TNRC6A: variants seen among roughly 807,000 people sequenced by gnomAD.
The protein encoded by TNRC6A is trinucleotide repeat containing adaptor 6A.
In TNRC6A, 44 loss-of-function variants were observed where a neutral mutation model predicts 221.2. That is an observed-to-expected ratio of 0.20 (90% CI 0.16 to 0.26). The LOEUF (loss-of-function observed/expected upper bound fraction) is 0.26. TNRC6A is among the 10% of genes least tolerant of loss of function. The pLI is 1.00. For missense variants in TNRC6A, 2,199 were observed against 2,404.4 expected (o/e 0.91, Z 1.79); for synonymous variants, 847 against 838.5 (o/e 1.01, Z -0.18).
intron 2 of TNRC6A, among the ~76,000 whole-genome samples, chr16:24,652,445 CT>C (rs1902724975): frequency 6.6e-6 from 1 of 152,142 alleles, no homozygotes; most frequent in Non-Finnish European, 1.5e-5. Flanking sequence ...ATTTATGAGG[CT>C]TTTCTCCACC....
At chr16:24,814,487 C>T (rs963509277) in intron 18 of TNRC6A, among the ~76,000 whole-genome samples, 6 of 144,424 alleles carry the variant, frequency 4.2e-5, no homozygotes, top group Non-Finnish European at 7.4e-5. Context: ...CAGCTCACTG[C>T]AACCTCTGCC....
In TNRC6A at chr16:24,791,234, C is replaced by T. The variant is rs1247934260; in HGVS notation, c.2592C>T (p.Asn864=). 1 of 1,614,184 alleles carries T rather than the reference C, an allele frequency of 6.2e-7. No homozygotes were observed. Among genetic ancestry groups the T allele is most frequent in the Admixed American group, 1.7e-5 (1 of 60,018 alleles). The change falls in exon 6 of 25, where the codon AAC becomes AAT. Residue 864 remains asparagine, a synonymous_variant. Coordinates refer to ENST00000395799, the MANE Select transcript of TNRC6A (RefSeq NM_014494.4). ...SDNWGETSRN[N]HWGEANKKSS... ...ACTGGGGAGAAACTTCAAGGAATAA[C>T]CATTGGGGTGAGGCCAATAAGAAAT...
At chr16:24,812,065 T>C (rs1161132581) in intron 18 of TNRC6A, among the ~76,000 whole-genome samples, 2 of 78,034 alleles carry the variant, frequency 2.6e-5, no homozygotes, top group African/African-American at 1.0e-4. Context: ...TTTTTTTTTT[T>C]TGAGACAGAG....
intron 2 of TNRC6A, among the ~76,000 whole-genome samples, chr16:24,653,641 A>G (rs867168337): frequency 1.3e-5 from 2 of 151,998 alleles, no homozygotes; most frequent in South Asian, 4.1e-4. Context: ...GCAGGCAGGC[A>G]TGGTGGCGCA....
chr16:24,799,039 G>T (rs1345657423), intron 11 of TNRC6A, among the ~76,000 whole-genome samples: 1 of 152,130 alleles, frequency 6.6e-6, no homozygotes, highest in Non-Finnish European at 1.5e-5. Context: ...GGAGGCACTC[G>T]CTACGGAGCT....
At chr16:24,771,539 G>GTTATGTTATGTTATGTTATT (rs2057593912) in intron 4 of TNRC6A, among the ~76,000 whole-genome samples, 1 of 94,556 alleles carries the variant, frequency 1.1e-5, no homozygotes. Flanking sequence ...GTTATGTTAT[G>GTTATGTTATGTTATGTTATT]TTATGTTATG....
At chr16:24,784,420 C>T (rs929614071) in intron 5 of TNRC6A, among the ~76,000 whole-genome samples, 1 of 152,202 alleles carries the variant, frequency 6.6e-6, no homozygotes, top group African/African-American at 2.4e-5. Context: ...ACCTCCCAGG[C>T]TCAAGTGATC....
At chr16:24,805,352 C>A in intron 14 of TNRC6A, 2 of 975,466 alleles carry the variant, frequency 2.1e-6, no homozygotes, top group South Asian at 1.8e-5. Context: ...CCATTTTCTT[C>A]TTTAAAACAT....
At chr16:24,625,360 T>A (rs545801838) in intron 1 of TNRC6A, among the ~76,000 whole-genome samples, 5 of 152,288 alleles carry the variant, frequency 3.3e-5, no homozygotes, top group African/African-American at 1.2e-4. Flanking sequence ...ACGCCTGTAA[T>A]CCCAGCACTT....
intron 5 of TNRC6A, among the ~76,000 whole-genome samples, chr16:24,784,095 G>A (rs898147288): frequency 6.6e-6 from 1 of 151,842 alleles, no homozygotes; most frequent in South Asian, 2.1e-4. Flanking sequence ...TCCACCTCCT[G>A]GGTTCAAATG....
Position 24,791,026 on chromosome 16 carries a change from C to T in TNRC6A, c.2384C>T (p.Ser795Phe), listed in dbSNP as rs35474263. Residue 795 changes from serine to phenylalanine, a missense_variant, in exon 6 of 25, where the codon TCC becomes TTC. Coordinates refer to ENST00000395799, the MANE Select transcript of TNRC6A (RefSeq NM_014494.4). ...DPKPALRWGD[S>F]KGSNCQGGWE... ...AAACCTGCTCTGAGGTGGGGAGATTCCAAAGGCTCAAACTGCCAGGGGGGG... is the reference window on the plus strand; with the variant it reads ...AAACCTGCTCTGAGGTGGGGAGATTTCAAAGGCTCAAACTGCCAGGGGGGG... 6.9e-5 allele frequency: 109 copies of T among 1,590,982 alleles called. No homozygotes were observed. Among genetic ancestry groups the T allele is most frequent in the Non-Finnish European group, 8.7e-5 (102 of 1,168,530 alleles).
At chr16:24,723,360 G>A (rs961525720) in intron 2 of TNRC6A, among the ~76,000 whole-genome samples, 1 of 152,126 alleles carries the variant, frequency 6.6e-6, no homozygotes, top group African/African-American at 2.4e-5. Flanking sequence ...TTGGCAGGCT[G>A]AGGCAGGAGG....
rs922945141 is a variant in TNRC6A at position 24,793,496 on chromosome 16, C to A, written c.3199C>A (p.Pro1067Thr). 7.3e-6 allele frequency: 11 copies of A among 1,506,124 alleles called. No homozygotes were observed. The highest frequency in any genetic ancestry group is 9.8e-6 in the Non-Finnish European group (11 of 1,121,828). The allele number at this position is 1,506,124 out of a possible 1,614,324, so 93.3% of individuals were successfully genotyped here. Residue 1067 changes from proline to threonine, a missense_variant, in exon 7 of 25, where the codon CCT (proline) becomes ACT (threonine). By Grantham distance (38) the Pro-to-Thr change is conservative. This residue lies in a region of TNRC6A where 1,405 missense variants were observed against 1,400.2 expected (regional missense o/e 1.00). Coordinates refer to ENST00000395799, the MANE Select transcript of TNRC6A (RefSeq NM_014494.4). ...AGGCTGGGGTGAGCCCTGGGGGGAG[C>A]CTTCTACTCCAGCCACAACTGTGGA... The part of the protein sequence containing the change: ...GSGWGEPWGE[P>T]STPATTVDNG...
chr16:24,630,233 T>C (rs181587508), intron 1 of TNRC6A, among the ~76,000 whole-genome samples: 77 of 152,284 alleles, frequency 5.1e-4, no homozygotes, highest in African/African-American at 1.9e-3. Context: ...AATTCCTGCA[T>C]TCAAGCCTTG....
At chr16:24,745,795 T>TCCCCCC (rs4038329) in intron 2 of TNRC6A, among the ~76,000 whole-genome samples, 1 of 118,524 alleles carries the variant, frequency 8.4e-6, no homozygotes, top group East Asian at 2.6e-4. Context: ...GTATGTACCA[T>TCCCCCC]CCCCCCCCCC....
At chr16:24,729,444 T>C (rs1032974712), upstream of TNRC6A, among the ~76,000 whole-genome samples, 2 of 149,616 alleles carry the variant, frequency 1.3e-5, no homozygotes, top group Non-Finnish European at 3.0e-5. Context: ...CCGAAAAAGG[T>C]TGGACTCGGG....
intron 2 of TNRC6A, among the ~76,000 whole-genome samples, chr16:24,688,155 G>C (rs1189843638): frequency 6.6e-6 from 1 of 150,976 alleles, no homozygotes; most frequent in Non-Finnish European, 1.5e-5. Context: ...TAGCCGGGAT[G>C]GTCTCGATCT....
chr16:24,773,009 T>C (rs1400400894), intron 4 of TNRC6A, among the ~76,000 whole-genome samples: 3 of 152,222 alleles, frequency 2.0e-5, no homozygotes, highest in Non-Finnish European at 4.4e-5. Flanking sequence ...GGTTATTTTT[T>C]TCCATTTTCA....
chr16:24,822,834 G>T, intron 23 of TNRC6A, 40 bp from the exon 24 acceptor site: 1 of 1,611,460 alleles, frequency 6.2e-7, no homozygotes, highest in South Asian at 1.1e-5. Context: ...GAGGGCCCGC[G>T]GTGACGCCTC....
Sources: allele counts gnomAD v4.1 joint callset (sites outside exome capture counted in the v4.1 genomes callset), GRCh38; gene constraint gnomAD v4.1.1; regional missense constraint gnomAD v4.1.1; transcripts MANE v1.5; gene names NCBI Gene and HGNC (gene_info 2026-07-23, HGNC 2026-07-21).